Variants in ZNF98 observed in about 807,000 individuals in gnomAD.
ZNF98 encodes zinc finger protein 98.
A neutral mutation model predicts 12.8 loss-of-function variants in ZNF98; 8 were observed. The ratio of observed to expected loss-of-function variants is 0.63; its 90% CI spans 0.37 to 1.13. The LOEUF (loss-of-function observed/expected upper bound fraction) is 1.13, where lower values mean the gene tolerates loss of function less well. Among genes scored for constraint, ZNF98 ranks in the 50% most tolerant of loss-of-function variants. ZNF98 has a pLI of 0.01. For synonymous variants in ZNF98, 112 were observed against 223.5 expected (o/e 0.50, Z 4.45); for missense variants, 379 against 666.1 (o/e 0.57, Z 4.74).
intron 1 of ZNF98, among the ~76,000 whole-genome samples, chr19:22,420,916 T>C (rs996477760): frequency 2.6e-5 from 4 of 152,228 alleles, no homozygotes; most frequent in Non-Finnish European, 4.4e-5. Context: ...TGCTTTCTTC[T>C]CATGGGAAAT....
chr19:22,400,093 T>C (rs1470792418), intron 3 of ZNF98, among the ~76,000 whole-genome samples: 1 of 152,158 alleles, frequency 6.6e-6, no homozygotes, highest in Non-Finnish European at 1.5e-5. Context: ...CCCACCAAAC[T>C]TGGTCCCACT....
intron 1 of ZNF98, among the ~76,000 whole-genome samples, chr19:22,409,371 T>C (rs1341731394): frequency 1.3e-5 from 2 of 152,088 alleles, no homozygotes; most frequent in African/African-American, 2.4e-5. Flanking sequence ...ACTCAGGACA[T>C]AGGCATGGGC....
intron 1 of ZNF98, among the ~76,000 whole-genome samples, chr19:22,418,716 T>G (rs1182990927): frequency 1.3e-5 from 2 of 152,094 alleles, no homozygotes; most frequent in African/African-American, 4.8e-5. Flanking sequence ...CCGCCTCTAC[T>G]AAAAATACTA....
intron 3 of ZNF98, among the ~76,000 whole-genome samples, chr19:22,395,178 G>GAAAA (rs71180538): frequency 9.0e-5 from 9 of 99,860 alleles, no homozygotes; most frequent in East Asian, 3.1e-4. Flanking sequence ...GTTTCAAAAA[G>GAAAA]AAAAAAAAAA....
intron 1 of ZNF98, 142 bp downstream of exon 1, chr19:22,422,053 T>C: frequency 9.2e-7 from 1 of 1,088,568 alleles, no homozygotes; most frequent in South Asian, 1.3e-5. Context: ...TGAAGGGGAC[T>C]GAGGCCGAGC....
At chr19:22,398,971 A>T (rs552956668) in intron 3 of ZNF98, among the ~76,000 whole-genome samples, 2 of 152,314 alleles carry the variant, frequency 1.3e-5, no homozygotes, top group Non-Finnish European at 2.9e-5. Context: ...CACACATATA[A>T]TCAGATTGTA....
At chr19:22,405,269 TAAAAAA>T (rs71180544) in intron 1 of ZNF98, among the ~76,000 whole-genome samples, 1 of 123,598 alleles carries the variant, frequency 8.1e-6, no homozygotes, top group African/African-American at 3.1e-5. Flanking sequence ...CATGCTTAGC[TAAAAAA>T]AAAAAAAAAA....
intron 3 of ZNF98, among the ~76,000 whole-genome samples, chr19:22,398,196 A>T (rs66905120): frequency 0.45 from 68,598 of 151,360 alleles, 11,532 homozygotes; most frequent in Non-Finnish European, 0.5. Context: ...AAAATGAGCC[A>T]GCCACAAACA....
intron 3 of ZNF98, among the ~76,000 whole-genome samples, chr19:22,394,914 G>C (rs917940781): frequency 2.0e-5 from 3 of 152,136 alleles, no homozygotes; most frequent in African/African-American, 7.2e-5. Context: ...GCTCAAACCT[G>C]TAATCCTAGC....
At chr19:22,394,004 C>A (rs537672905) in intron 3 of ZNF98, among the ~76,000 whole-genome samples, 2 of 148,662 alleles carry the variant, frequency 1.3e-5, no homozygotes, top group African/African-American at 5.0e-5. Context: ...AAACTAACAA[C>A]CCCATCAAAA....
intron 1 of ZNF98, among the ~76,000 whole-genome samples, chr19:22,413,079 T>A (rs979699329): frequency 8.0e-5 from 12 of 150,108 alleles, no homozygotes; most frequent in African/African-American, 2.7e-4. Context: ...AAAATAAAAA[T>A]AAAAAAAAAT....
chr19:22,409,527 T>C (rs1025884667), intron 1 of ZNF98, among the ~76,000 whole-genome samples: 3 of 152,080 alleles, frequency 2.0e-5, no homozygotes, highest in Non-Finnish European at 4.4e-5. Flanking sequence ...GAGAAAATTT[T>C]TGCAATCTAC....
intron 3 of ZNF98, among the ~76,000 whole-genome samples, chr19:22,395,564 C>T (rs961185848): frequency 6.7e-6 from 1 of 150,252 alleles, no homozygotes; most frequent in Admixed American, 6.6e-5. Flanking sequence ...AGAATAAAAA[C>T]AAGAATATCA....
At chr19:22,403,643 A>G (rs779365160) in intron 1 of ZNF98, 131 bp from the exon 2 acceptor site, 154 of 926,290 alleles carry the variant, frequency 1.7e-4, no homozygotes, top group Non-Finnish European at 2.3e-4. Context: ...TATTTAATAA[A>G]TAACTTTCAG....
At chr19:22,409,483 T>C (rs751168199) in intron 1 of ZNF98, among the ~76,000 whole-genome samples, 19 of 151,988 alleles carry the variant, frequency 1.3e-4, no homozygotes, top group Non-Finnish European at 2.4e-4. Flanking sequence ...AAAAAGAAAC[T>C]ATCATGAGAG....
Position 22,422,290 on chromosome 19 carries a change from G to C in ZNF98, c.-66C>G. The C allele has an allele frequency of 1.3e-6, 2 of 1,593,636 alleles. No individual in the cohort carries two copies. Among genetic ancestry groups the C allele is most frequent in the Non-Finnish European group, 1.7e-6 (2 of 1,163,674 alleles). ...CAGAGGCTGGGCCTCTACGAGCAGA[G>C]GACACAGAAGGGCGAAGACGAGACC... is the stretch of plus-strand genomic sequence containing the variant. On this transcript the variant is annotated 5_prime_UTR_variant, in exon 1 of 4. Coordinates refer to ENST00000357774, the MANE Select transcript of ZNF98 (RefSeq NM_001098626.2).
At chr19:22,417,180 G>GATCGCGCC (rs1389633675) in intron 1 of ZNF98, among the ~76,000 whole-genome samples, 1 of 121,480 alleles carries the variant, frequency 8.2e-6, no homozygotes, top group Non-Finnish European at 1.6e-5. Context: ...GGTGAGCCAA[G>GATCGCGCC]ATCGCGCCAT....
intron 1 of ZNF98, among the ~76,000 whole-genome samples, chr19:22,420,863 G>A (rs900205349): frequency 1.3e-5 from 2 of 152,184 alleles, no homozygotes; most frequent in Non-Finnish European, 1.5e-5. Context: ...AAGAAAAAGA[G>A]GCACAGAGAC....
chr19:22,411,917 CA>C (rs1969584939), intron 1 of ZNF98, among the ~76,000 whole-genome samples: 1 of 152,178 alleles, frequency 6.6e-6, no homozygotes, highest in African/African-American at 2.4e-5. Flanking sequence ...TGGGTGCACA[CA>C]AATAAATCAA....
Sources: gnomAD v4.1 joint callset for allele counts (sites outside exome capture counted in the v4.1 genomes callset) on GRCh38, gnomAD v4.1.1 for gene constraint, MANE v1.5 for transcripts, NCBI Gene and HGNC (gene_info 2026-07-23, HGNC 2026-07-21) for gene names.